Variants in BRD10 observed in about 807,000 individuals in gnomAD.
The protein encoded by BRD10 is uncharacterized bromodomain-containing protein 10.
At chr9:5,961,103 T>G in the BRD10 span, among the ~76,000 whole-genome samples, 2 of 152,198 alleles carry the variant, frequency 1.3e-5, no homozygotes, top group Non-Finnish European at 2.9e-5. Context: ...TCCCACACAA[T>G]GCATCAATCA....
chr9:5,978,751 T>C, the BRD10 span, among the ~76,000 whole-genome samples: 31 of 152,192 alleles, frequency 2.0e-4, no homozygotes, highest in African/African-American at 6.3e-4. Flanking sequence ...CAGCACTAGT[T>C]GGCACCTTTG....
At chr9:5,936,563 G>C in the BRD10 span, among the ~76,000 whole-genome samples, 2 of 152,128 alleles carry the variant, frequency 1.3e-5, no homozygotes, top group Non-Finnish European at 2.9e-5. Context: ...TGTGCTCTCT[G>C]CTGGATTCTG....
At chr9:5,898,103 T>G in the BRD10 span, 1 of 166,904 alleles carries the variant, frequency 6.0e-6, no homozygotes, top group Non-Finnish European at 1.3e-5. Context: ...TGGAGCGCAG[T>G]GGTGAACATG....
the BRD10 span, among the ~76,000 whole-genome samples, chr9:5,883,926 A>G: frequency 6.6e-6 from 1 of 152,204 alleles, no homozygotes; most frequent in Admixed American, 6.5e-5. Context: ...TGCCAGACAC[A>G]CTAGGCCTCA....
At chr9:5,954,819 G>A in the BRD10 span, among the ~76,000 whole-genome samples, 7 of 152,150 alleles carry the variant, frequency 4.6e-5, no homozygotes, top group South Asian at 2.1e-4. Context: ...GACCAGGCGC[G>A]GTGGCTCACA....
At chr9:5,948,064 C>A in the BRD10 span, among the ~76,000 whole-genome samples, 1 of 152,098 alleles carries the variant, frequency 6.6e-6, no homozygotes, top group Admixed American at 6.6e-5. Flanking sequence ...AAGAACCTCT[C>A]CAAGGCTGTC....
the BRD10 span, chr9:5,897,737 A>AGG: frequency 8.5e-7 from 1 of 1,178,634 alleles, no homozygotes; most frequent in Non-Finnish European, 1.3e-6. Context: ...GGAGAGTCAG[A>AGG]TAATTGCCTC....
chr9:5,978,776 G>A, the BRD10 span, among the ~76,000 whole-genome samples: 1 of 152,120 alleles, frequency 6.6e-6, no homozygotes, highest in Non-Finnish European at 1.5e-5. Flanking sequence ...CAAGAACCTG[G>A]AACAACCAGA....
At chr9:5,909,893 A>G in the BRD10 span, 2 of 152,228 alleles carry the variant, frequency 1.3e-5, no homozygotes, top group Non-Finnish European at 2.9e-5. Context: ...TATCACCTAC[A>G]CTATTATTTA....
chr9:5,882,656 G>C, the BRD10 span, among the ~76,000 whole-genome samples: 1 of 152,130 alleles, frequency 6.6e-6, no homozygotes, highest in Non-Finnish European at 1.5e-5. Context: ...AATTATTTCA[G>C]GACAAGTATG....
the BRD10 span, among the ~76,000 whole-genome samples, chr9:5,994,903 T>TTCTTTTTTC: frequency 4.1e-5 from 6 of 145,550 alleles, no homozygotes; most frequent in Non-Finnish European, 4.6e-5. Context: ...TCATTTTTCT[T>TTCTTTTTTC]TTTTTTTTTT....
At chr9:5,921,072 A>C in the BRD10 span, 8 of 1,613,930 alleles carry the variant, frequency 5.0e-6, no homozygotes, top group Admixed American at 1.3e-4. Flanking sequence ...GAAACCACTG[A>C]TTCATTAACA....
chr9:5,927,110 G>C, the BRD10 span, among the ~76,000 whole-genome samples: 1 of 151,924 alleles, frequency 6.6e-6, no homozygotes, highest in African/African-American at 2.4e-5. Flanking sequence ...ATCTATGTGG[G>C]GATAGTATAA....
chr9:5,888,700 C>T, the BRD10 span, among the ~76,000 whole-genome samples: 3 of 152,200 alleles, frequency 2.0e-5, no homozygotes, highest in Admixed American at 6.5e-5. Flanking sequence ...GAACAATCAT[C>T]GAAGCTGATC....
chr9:5,961,466 C>CT, the BRD10 span, among the ~76,000 whole-genome samples: 1 of 151,912 alleles, frequency 6.6e-6, no homozygotes, highest in East Asian at 1.9e-4. Flanking sequence ...TTTTTTTGCT[C>CT]TGAGTTTTTT....
the BRD10 span, among the ~76,000 whole-genome samples, chr9:5,993,751 G>GAAGTCAGAGGTC: frequency 1.3e-5 from 2 of 152,198 alleles, no homozygotes; most frequent in African/African-American, 4.8e-5. Flanking sequence ...AACCCAATCA[G>GAAGTCAGAGGTC]AAGTCAGAGG....
chr9:5,965,130 C>T, the BRD10 span, among the ~76,000 whole-genome samples: 42 of 150,246 alleles, frequency 2.8e-4, no homozygotes, highest in Non-Finnish European at 3.3e-4. Flanking sequence ...GGAGATACTA[C>T]CAAAAATTAA....
chr9:5,944,894 G>C, the BRD10 span: 11 of 1,537,604 alleles, frequency 7.2e-6, no homozygotes, highest in Non-Finnish European at 4.4e-6. Context: ...CTGTTTTCCA[G>C]ATCTTTGAGT....
chr9:5,893,153 A>G, the BRD10 span, among the ~76,000 whole-genome samples: 6 of 152,342 alleles, frequency 3.9e-5, no homozygotes, highest in African/African-American at 1.2e-4. Flanking sequence ...TTTATCTTTG[A>G]AAAAACTCAC....
Sources: allele counts gnomAD v4.1 joint callset (sites outside exome capture counted in the v4.1 genomes callset), GRCh38; gene constraint gnomAD v4.1.1; transcripts MANE v1.5; gene names NCBI Gene and HGNC (gene_info 2026-07-23, HGNC 2026-07-21).